The following BOC variants were observed in gnomAD, a reference collection of about 807,000 sequenced individuals.
BOC encodes the protein BOC cell adhesion associated, oncogene regulated.
Under a neutral mutation model 112.0 loss-of-function variants are expected in BOC, and 76 were observed. The observed-to-expected ratio is 0.68, with a 90% CI of 0.56 to 0.82. The LOEUF (loss-of-function observed/expected upper bound fraction) is 0.82, where lower values mean the gene tolerates loss of function less well. Ranked by LOEUF, BOC falls within the 40% of genes least tolerant of loss-of-function variation. The pLI, the probability that BOC is intolerant of heterozygous loss-of-function variation, is 0.00. For missense variants in BOC, 1,309 were observed against 1,511.7 expected (o/e 0.87, Z 2.22); for synonymous variants, 580 against 599.8 (o/e 0.97, Z 0.48).
intron 2 of BOC, among the ~76,000 whole-genome samples, chr3:113,233,565 A>T (rs1324230657): frequency 6.6e-6 from 1 of 151,910 alleles, no homozygotes; most frequent in Non-Finnish European, 1.5e-5. Context: ...CTCCACCATG[A>T]CCTTTCACCT....
intron 14 of BOC, 38 bp from the exon 15 acceptor site, chr3:113,280,993 C>T (rs745347865): frequency 1.2e-6 from 2 of 1,610,708 alleles, no homozygotes; most frequent in Admixed American, 3.3e-5. Flanking sequence ...AAACCATATA[C>T]ACATTGCCAT....
intron 14 of BOC, 108 bp from the exon 15 acceptor site, chr3:113,280,923 A>G: frequency 6.9e-7 from 1 of 1,454,932 alleles, no homozygotes; most frequent in Non-Finnish European, 9.4e-7. Flanking sequence ...TGTGCCAGTC[A>G]GTGGCATCCT....
Position 113,286,923 on chromosome 3 carries a change from A to G in BOC, c.*61A>G. The G allele has an allele frequency of 7.1e-7, 1 of 1,413,022 alleles. No individual in the cohort carries two copies. Among genetic ancestry groups the G allele is most frequent in the Admixed American group, 2.4e-5 (1 of 42,162 alleles). The allele number at this position is 1,413,022 out of a possible 1,614,324, so 87.5% of individuals were successfully genotyped here. On this transcript the variant is annotated 3_prime_UTR_variant, in exon 20 of 20. Transcript: ENST00000682979. ...TTTTTTTTTAAAAAAAAAAAGAAGAAAAAAGAGACAGAGAAAATTGGTATT... is the reference window on the plus strand; with the variant it reads ...TTTTTTTTTAAAAAAAAAAAGAAGAGAAAAGAGACAGAGAAAATTGGTATT...
intron 2 of BOC, among the ~76,000 whole-genome samples, chr3:113,218,891 G>C (rs910554964): frequency 5.9e-5 from 9 of 152,224 alleles, no homozygotes; most frequent in Non-Finnish European, 1.5e-5. Context: ...ATGGGAGAAG[G>C]GGGGTGGGGG....
chr3:113,245,124 TA>T (rs894923650), intron 2 of BOC, among the ~76,000 whole-genome samples: 1 of 152,126 alleles, frequency 6.6e-6, no homozygotes, highest in Admixed American at 6.5e-5. Flanking sequence ...CCCTCCGAAT[TA>T]AAAAAAATTT....
At chr3:113,236,703 A>G (rs144261325) in intron 2 of BOC, among the ~76,000 whole-genome samples, 212 of 152,274 alleles carry the variant, frequency 1.4e-3, no homozygotes, top group African/African-American at 4.5e-3. Context: ...ATAAAAGATG[A>G]GCAATGAACA....
chr3:113,242,131 A>G (rs943782090), intron 2 of BOC, among the ~76,000 whole-genome samples: 3 of 152,124 alleles, frequency 2.0e-5, no homozygotes, highest in African/African-American at 7.2e-5. Flanking sequence ...ACAAAAAAAA[A>G]AAAAGAAAAG....
intron 4 of BOC, among the ~76,000 whole-genome samples, chr3:113,260,045 G>A (rs1416275419): frequency 1.3e-5 from 2 of 152,074 alleles, no homozygotes; most frequent in South Asian, 2.1e-4. Flanking sequence ...TTCTCTTCCC[G>A]GCTTCCTTAG....
Position 113,250,628 on chromosome 3 carries a change from C to T in BOC, c.171C>T (p.Cys57=), listed in dbSNP as rs773578508. 46 of 1,614,082 alleles carry T rather than the reference C, an allele frequency of 2.8e-5. No homozygotes were observed. Among genetic ancestry groups the T allele is most frequent in the African/African-American group, 5.3e-5 (4 of 74,930 alleles). ...CCGGAGGCACTGTGATCTTGGGCTG[C>T]GTGGTGGAACCTCCAAGGATGAATG... ...QKPGGTVILG[C]VVEPPRMNVT... Residue 57 remains cysteine, a synonymous_variant, in exon 4 of 20, where the codon TGC becomes TGT. Coordinates refer to ENST00000682979, the MANE Select transcript of BOC (RefSeq NM_001378074.1).
At chr3:113,272,813 C>T in intron 7 of BOC, 110 bp downstream of exon 7, 1 of 1,332,780 alleles carries the variant, frequency 7.5e-7, no homozygotes, top group African/African-American at 1.5e-5. Context: ...TGAAAGGCCA[C>T]ATGCTGAGTG....
Position 113,240,911 on chromosome 3 carries a change from C to T in BOC, c.-81-8811C>T, listed in dbSNP as rs6773515. ...CCCACCCTACTGGACAGCCCACTCC[C>T]GTAATGCAAAGAGGCGCCTAATGCC... is the stretch of plus-strand genomic sequence containing the variant. On this transcript the variant is annotated intron_variant, in intron 2 of 19. Transcript: ENST00000682979. Among the ~76,000 whole-genome samples, 1,166 of 152,256 alleles carry T rather than the reference C, an allele frequency of 7.7e-3. 19 individuals are homozygous for T. The highest frequency in any genetic ancestry group is 0.027 in the African/African-American group (1,119 of 41,536).
intron 4 of BOC, among the ~76,000 whole-genome samples, chr3:113,252,675 T>C (rs1945776362): frequency 6.6e-6 from 1 of 152,188 alleles, no homozygotes; most frequent in South Asian, 2.1e-4. Context: ...TGCCCTTTTC[T>C]CAGAGGGAAG....
intron 4 of BOC, among the ~76,000 whole-genome samples, chr3:113,261,178 C>A (rs947310374): frequency 2.6e-5 from 4 of 152,186 alleles, no homozygotes; most frequent in Non-Finnish European, 5.9e-5. Flanking sequence ...TTTCTCTCAG[C>A]TCCTCAGCCT....
chr3:113,262,592 A>C (rs1276609118), intron 4 of BOC, among the ~76,000 whole-genome samples: 2 of 152,182 alleles, frequency 1.3e-5, no homozygotes, highest in Non-Finnish European at 2.9e-5. Flanking sequence ...TGCCCAGCCC[A>C]CAGTAAACCC....
Position 113,270,982 on chromosome 3 carries a change from A to G in BOC, c.667+38A>G, listed in dbSNP as rs750048879. 27 of 1,613,446 alleles carry G rather than the reference A, an allele frequency of 1.7e-5. 1 individual carries two copies. The South Asian group carries it at 2.6e-4, about 16-fold the overall frequency. ...CCCACCTGCTGGGGGATGGGGGATCACTGATGGAAGGGCTCACAAAGATGG... is the reference window on the plus strand; with the variant it reads ...CCCACCTGCTGGGGGATGGGGGATCGCTGATGGAAGGGCTCACAAAGATGG... On this transcript the variant is annotated intron_variant, in intron 6 of 19. Coordinates refer to ENST00000682979, the MANE Select transcript of BOC (RefSeq NM_001378074.1).
At chr3:113,256,053 TGAGGATAAATGG>T (rs1473641623) in intron 4 of BOC, among the ~76,000 whole-genome samples, 5 of 152,226 alleles carry the variant, frequency 3.3e-5, no homozygotes, top group Non-Finnish European at 5.9e-5. Context: ...ATGGGTTTTT[TGAGGATAAATGG>T]GAGAATGTAT....
intron 2 of BOC, among the ~76,000 whole-genome samples, chr3:113,241,777 G>A (rs1398163982): frequency 6.6e-6 from 1 of 152,156 alleles, no homozygotes; most frequent in Non-Finnish European, 1.5e-5. Flanking sequence ...TAGGCCCCAG[G>A]GCCGCATTGA....
intron 2 of BOC, among the ~76,000 whole-genome samples, chr3:113,242,276 G>A (rs1944407521): frequency 6.6e-6 from 1 of 152,122 alleles, no homozygotes; most frequent in African/African-American, 2.4e-5. Context: ...TTTTCTTTCG[G>A]TCTTCCAGTT....
Position 113,272,742 on chromosome 3 carries a change from T to C in BOC, c.961+39T>C, listed in dbSNP as rs1948261086. 1.9e-6 allele frequency: 3 copies of C among 1,603,258 alleles called. No individual in the cohort carries two copies. In the African/African-American group the frequency reaches 4.0e-5, roughly 21 times the overall value. On this transcript the variant is annotated intron_variant, in intron 7 of 19. Coordinates refer to ENST00000682979, the MANE Select transcript of BOC (RefSeq NM_001378074.1). Reference sequence around the variant, plus strand: ...GTGGACTGTCTTCTGCTTGGCCTTCTCTCTGGTCTGTGCAGCCTTTCTAGA... The same window carrying C: ...GTGGACTGTCTTCTGCTTGGCCTTCCCTCTGGTCTGTGCAGCCTTTCTAGA...
Sources: gnomAD v4.1 joint callset for allele counts (sites outside exome capture counted in the v4.1 genomes callset) on GRCh38, gnomAD v4.1.1 for gene constraint, MANE v1.5 for transcripts, NCBI Gene and HGNC (gene_info 2026-07-23, HGNC 2026-07-21) for gene names.